The following FBLN7 variants were observed in gnomAD, a reference collection of about 807,000 sequenced individuals.
The protein encoded by FBLN7 is fibulin-7.
FBLN7 carries 31 observed loss-of-function variants against 44.0 expected under a neutral mutation model. That is an observed-to-expected ratio of 0.70 (90% CI 0.53 to 0.95). The LOEUF (loss-of-function observed/expected upper bound fraction) is 0.95. Ranked by LOEUF, FBLN7 falls within the 40% of genes least tolerant of loss-of-function variation. The pLI is 0.00. For synonymous variants in FBLN7, 262 were observed against 253.4 expected, an observed-to-expected ratio of 1.03 and a Z score of -0.32; for missense variants, 573 against 618.5, an observed-to-expected ratio of 0.93 and a Z score of 0.78.
At chr2:112,203,632 C>A in the FBLN7 span, among the ~76,000 whole-genome samples, 1 of 152,160 alleles carries the variant, frequency 6.6e-6, no homozygotes, top group Non-Finnish European at 1.5e-5. Context: ...TACACACTAT[C>A]CCTAAGGAAG....
rs550196678 is a variant in FBLN7, at chr2:112,142,133, TC to T, written c.75+3405del. ...CTCCCCTTCTCCACCCTCAACCCTG[TC>T]CGGGCAAGCGTAAAGGGTGAATTGT... is the stretch of plus-strand genomic sequence containing the variant. On this transcript the variant is annotated intron_variant, in intron 1 of 7. Transcript: ENST00000331203. Among the ~76,000 whole-genome samples the T allele has an allele frequency of 5.3e-3, 804 of 152,276 alleles. 4 individuals carry two copies. The highest frequency in any genetic ancestry group is 8.7e-3 in the Non-Finnish European group (591 of 68,026).
rs778321058 is a variant in FBLN7, at chr2:112,175,699, T to C, written c.407-15T>C. 1.9e-5 allele frequency: 30 copies of C among 1,613,514 alleles called. No individual in the cohort carries two copies. The Admixed American group carries it at 5.0e-4, about 27-fold the overall frequency. On this transcript the variant is annotated splice_polypyrimidine_tract_variant and intron_variant, in intron 3 of 7. Transcript: ENST00000331203. ...AACTCACATCCGTATATTTGAAAAT[T>C]ATTTATCTTCCTAGGTATCAGTGAA... is the stretch of plus-strand genomic sequence containing the variant.
chr2:112,229,972 G>A, the FBLN7 span, among the ~76,000 whole-genome samples: 5 of 148,604 alleles, frequency 3.4e-5, no homozygotes, highest in African/African-American at 4.9e-5. Flanking sequence ...CGAAAAGACC[G>A]TCCACAAAAT....
chr2:112,207,475 A>AG, the FBLN7 span, among the ~76,000 whole-genome samples: 1 of 152,160 alleles, frequency 6.6e-6, no homozygotes, highest in East Asian at 1.9e-4. Flanking sequence ...AAAAAAAAAA[A>AG]AAAAAAAGAA....
the FBLN7 span, among the ~76,000 whole-genome samples, chr2:112,207,029 A>G: frequency 2.0e-5 from 3 of 152,294 alleles, no homozygotes; most frequent in South Asian, 6.2e-4. Context: ...CACTGTGTTC[A>G]GCTTTCTTAC....
intron 1 of FBLN7, 79 bp downstream of exon 1, chr2:112,138,809 C>A (rs1680482979): frequency 7.7e-7 from 1 of 1,290,336 alleles, no homozygotes; most frequent in Non-Finnish European, 1.0e-6. Context: ...CGCCTCTCTC[C>A]AGGCCAGCGT....
the FBLN7 span, among the ~76,000 whole-genome samples, chr2:112,218,383 A>T: frequency 6.6e-6 from 1 of 152,140 alleles, no homozygotes; most frequent in African/African-American, 2.4e-5. Flanking sequence ...TGTTTGCCTT[A>T]TTGAGTATGG....
At chr2:112,171,099 A>G (rs1032480474) in intron 3 of FBLN7, among the ~76,000 whole-genome samples, 8 of 152,210 alleles carry the variant, frequency 5.3e-5, no homozygotes, top group Non-Finnish European at 1.0e-4. Flanking sequence ...TTACGTTAAA[A>G]TGGCTGTGCG....
At chr2:112,156,705 C>T (rs989758481) in intron 1 of FBLN7, among the ~76,000 whole-genome samples, 10 of 152,188 alleles carry the variant, frequency 6.6e-5, no homozygotes, top group Non-Finnish European at 1.5e-4. Context: ...CGAGCAATTG[C>T]GTTTGGGGCT....
At chr2:112,223,105 G>A in the FBLN7 span, among the ~76,000 whole-genome samples, 1 of 151,908 alleles carries the variant, frequency 6.6e-6, no homozygotes, top group African/African-American at 2.4e-5. Flanking sequence ...ACTGGGGCCT[G>A]TCGTGGGGTG....
chr2:112,154,544 C>A (rs951674902), intron 1 of FBLN7, among the ~76,000 whole-genome samples: 1 of 152,140 alleles, frequency 6.6e-6, no homozygotes, highest in Non-Finnish European at 1.5e-5. Context: ...GAGGGCTGTG[C>A]GGAGCCTGGG....
the FBLN7 span, among the ~76,000 whole-genome samples, chr2:112,226,838 A>C: frequency 6.6e-6 from 1 of 152,168 alleles, no homozygotes; most frequent in Admixed American, 6.5e-5. Flanking sequence ...TAGCCAATGA[A>C]ATCCAATAAT....
chr2:112,191,859 A>G (rs539053651), downstream of FBLN7, among the ~76,000 whole-genome samples: 3 of 152,218 alleles, frequency 2.0e-5, no homozygotes, highest in Non-Finnish European at 4.4e-5. Context: ...AACTATTTAC[A>G]TGGTTCCAAA....
the FBLN7 span, chr2:112,234,089 T>G: frequency 1.8e-5 from 23 of 1,254,766 alleles, no homozygotes; most frequent in Non-Finnish European, 2.2e-5. Context: ...GTTTTACATT[T>G]TAGTAGATTT....
the FBLN7 span, among the ~76,000 whole-genome samples, chr2:112,216,841 CAA>C: frequency 6.6e-6 from 1 of 151,288 alleles, no homozygotes; most frequent in Non-Finnish European, 1.5e-5. Context: ...AGAAAGAGAA[CAA>C]AAAATGAGAT....
chr2:112,232,989 A>G, the FBLN7 span, among the ~76,000 whole-genome samples: 2 of 152,220 alleles, frequency 1.3e-5, no homozygotes, highest in South Asian at 2.1e-4. Context: ...AGAAATTGTG[A>G]TAAGTCTTTC....
intron 1 of FBLN7, chr2:112,151,694 C>T (rs893173036): frequency 1.3e-5 from 2 of 152,134 alleles, no homozygotes; most frequent in Non-Finnish European, 2.9e-5. Context: ...AATGTGCTGC[C>T]ATTTTTGCTG....
At chr2:112,233,904 T>C in the FBLN7 span, among the ~76,000 whole-genome samples, 3 of 152,094 alleles carry the variant, frequency 2.0e-5, no homozygotes, top group Non-Finnish European at 4.4e-5. Context: ...AAAAATTATC[T>C]GACTCAGGTG....
intron 1 of FBLN7, among the ~76,000 whole-genome samples, chr2:112,140,065 G>A (rs1160575442): frequency 1.9e-4 from 16 of 85,340 alleles, no homozygotes; most frequent in Non-Finnish European, 3.4e-4. Context: ...CTCTCTCCAC[G>A]CCAGCGTCCC....
Sources: allele counts gnomAD v4.1 joint callset (sites outside exome capture counted in the v4.1 genomes callset), GRCh38; gene constraint gnomAD v4.1.1; transcripts MANE v1.5; gene names NCBI Gene and HGNC (gene_info 2026-07-23, HGNC 2026-07-21).